MDGA2: variants seen among roughly 807,000 people sequenced by gnomAD.
The protein encoded by MDGA2 is MAM domain-containing glycosylphosphatidylinositol anchor protein 2.
Under a neutral mutation model 117.8 loss-of-function variants are expected in MDGA2, and 40 were observed. That is an observed-to-expected ratio of 0.34 (90% CI 0.26 to 0.44). MDGA2 has a LOEUF of 0.44. Among genes scored for constraint, MDGA2 ranks in the 20% least tolerant of loss-of-function variants. MDGA2 has a pLI of 1.00. For synonymous variants in MDGA2, 452 were observed against 439.0 expected, an observed-to-expected ratio of 1.03 and a Z score of -0.37; for missense variants, 1,123 against 1,250.6, an observed-to-expected ratio of 0.90 and a Z score of 1.54.
chr14:47,082,732 A>G (rs867665007), intron 6 of MDGA2, among the ~76,000 whole-genome samples: 2 of 152,182 alleles, frequency 1.3e-5, no homozygotes, highest in Middle Eastern at 3.4e-3. Flanking sequence ...AAATATAGCA[A>G]AGCCAACAGA....
intron 3 of MDGA2, among the ~76,000 whole-genome samples, chr14:47,171,222 A>T (rs1884116942): frequency 6.6e-6 from 1 of 152,154 alleles, no homozygotes; most frequent in Non-Finnish European, 1.5e-5. Context: ...AAAATACTGA[A>T]GGTTCTAAAT....
intron 1 of MDGA2, among the ~76,000 whole-genome samples, chr14:47,331,905 TCAAATAAAA>T (rs1373938841): frequency 6.6e-6 from 1 of 151,916 alleles, no homozygotes; most frequent in Non-Finnish European, 1.5e-5. Flanking sequence ...TAAAAGGAAA[TCAAATAAAA>T]CAACTCTCAT....
chr14:47,558,541 T>G (rs1014193721), intron 1 of MDGA2, among the ~76,000 whole-genome samples: 1 of 152,180 alleles, frequency 6.6e-6, no homozygotes, highest in Non-Finnish European at 1.5e-5. Flanking sequence ...AAATAAGTGA[T>G]GTAAATTGAC....
intron 1 of MDGA2, among the ~76,000 whole-genome samples, chr14:47,380,256 C>G (rs555466473): frequency 2.6e-5 from 4 of 152,164 alleles, no homozygotes; most frequent in African/African-American, 9.6e-5. Flanking sequence ...TAAATGCCCA[C>G]AAGAGAAAGC....
chr14:46,945,283 G>GT (rs1885132674), intron 9 of MDGA2, among the ~76,000 whole-genome samples: 1 of 152,070 alleles, frequency 6.6e-6, no homozygotes, highest in Non-Finnish European at 1.5e-5. Flanking sequence ...GCAGAGCTTG[G>GT]TGTTAGTCTT....
At chr14:47,078,847 T>A (rs1408151492) in intron 6 of MDGA2, among the ~76,000 whole-genome samples, 2 of 152,084 alleles carry the variant, frequency 1.3e-5, no homozygotes, top group Admixed American at 6.5e-5. Flanking sequence ...AAGCTACTAA[T>A]ATTTGACCAG....
intron 1 of MDGA2, among the ~76,000 whole-genome samples, chr14:47,631,226 C>A (rs568968668): frequency 1.1e-4 from 17 of 152,244 alleles, no homozygotes; most frequent in African/African-American, 3.9e-4. Context: ...TTCTCTTCTA[C>A]TCCCATCAGT....
intron 9 of MDGA2, among the ~76,000 whole-genome samples, chr14:46,931,798 C>T (rs900114897): frequency 6.6e-6 from 1 of 152,212 alleles, no homozygotes; most frequent in East Asian, 1.9e-4. Context: ...GTTGAGATTA[C>T]AGGCATGAGC....
At chr14:46,931,183 C>A (rs1018481429) in intron 9 of MDGA2, among the ~76,000 whole-genome samples, 2 of 141,276 alleles carry the variant, frequency 1.4e-5, no homozygotes, top group Non-Finnish European at 3.0e-5. Flanking sequence ...CCACTACACT[C>A]CAGCATGGGT....
intron 10 of MDGA2, among the ~76,000 whole-genome samples, chr14:46,902,033 T>A (rs1039690268): frequency 6.6e-5 from 10 of 152,208 alleles, no homozygotes; most frequent in Non-Finnish European, 1.3e-4. Context: ...CTCTTTCTTG[T>A]TCCCTCCCTT....
At chr14:46,988,775 C>G (rs573485850) in intron 8 of MDGA2, among the ~76,000 whole-genome samples, 1 of 152,162 alleles carries the variant, frequency 6.6e-6, no homozygotes, top group African/African-American at 2.4e-5. Context: ...TATAATGATT[C>G]TACCAGCAGG....
intron 1 of MDGA2, among the ~76,000 whole-genome samples, chr14:47,386,019 A>G (rs1022229912): frequency 5.9e-5 from 9 of 152,152 alleles, no homozygotes; most frequent in Admixed American, 1.3e-4. Context: ...GGTGGCTCAC[A>G]TCTGTAATCC....
intron 1 of MDGA2, among the ~76,000 whole-genome samples, chr14:47,492,609 T>A (rs1894194779): frequency 6.6e-6 from 1 of 152,128 alleles, no homozygotes; most frequent in South Asian, 2.1e-4. Flanking sequence ...ATCTTATAAG[T>A]TAATTTTCAT....
At chr14:47,390,526 G>A (rs1891870865) in intron 1 of MDGA2, among the ~76,000 whole-genome samples, 1 of 152,140 alleles carries the variant, frequency 6.6e-6, no homozygotes, top group Non-Finnish European at 1.5e-5. Flanking sequence ...ATTAAGTTAG[G>A]ATGAATTATG....
At chr14:47,340,775 T>G (rs1292300123) in intron 1 of MDGA2, among the ~76,000 whole-genome samples, 1 of 152,176 alleles carries the variant, frequency 6.6e-6, no homozygotes, top group Admixed American at 6.6e-5. Context: ...CTTCAACTCA[T>G]TCTCAGACCA....
rs576869403 is a variant in MDGA2, at chr14:47,355,093, T to C, written c.281-53543A>G. ...ATGCCTGGGTAGGTAGGCAGCACAGTTGGAGTTTGTGGGGAGCATGCAGGG... is the reference window on the plus strand; with the variant it reads ...ATGCCTGGGTAGGTAGGCAGCACAGCTGGAGTTTGTGGGGAGCATGCAGGG... On this transcript the variant is annotated intron_variant, in intron 1 of 16. Coordinates refer to ENST00000399232, the MANE Select transcript of MDGA2 (RefSeq NM_001113498.3). Among the ~76,000 whole-genome samples, 8 of 152,244 alleles carry C rather than the reference T, an allele frequency of 5.3e-5. No individual in the cohort carries two copies. The South Asian group carries it at 1.2e-3, about 24-fold the overall frequency.
intron 2 of MDGA2, among the ~76,000 whole-genome samples, chr14:47,270,894 T>G (rs1566713295): frequency 6.6e-6 from 1 of 152,206 alleles, no homozygotes; most frequent in Non-Finnish European, 1.5e-5. Context: ...TGTTTACTCA[T>G]GTGATTTCCT....
intron 2 of MDGA2, among the ~76,000 whole-genome samples, chr14:47,277,018 G>A (rs1419907446): frequency 6.6e-6 from 1 of 152,072 alleles, no homozygotes; most frequent in Non-Finnish European, 1.5e-5. Flanking sequence ...CTAGGAACAG[G>A]GCCTGACCAC....
chr14:46,952,576 C>T (rs1885406798), intron 9 of MDGA2, among the ~76,000 whole-genome samples: 3 of 151,890 alleles, frequency 2.0e-5, no homozygotes, highest in Non-Finnish European at 4.4e-5. Flanking sequence ...CAGCAGTAAT[C>T]ATTAATTTGT....
Sources: allele counts gnomAD v4.1 joint callset (sites outside exome capture counted in the v4.1 genomes callset), GRCh38; gene constraint gnomAD v4.1.1; transcripts MANE v1.5; gene names NCBI Gene and HGNC (gene_info 2026-07-23, HGNC 2026-07-21).